Variants in CCNY observed in about 807,000 individuals in gnomAD.
CCNY encodes the protein cyclin Y, also known as cyclin-Y.
A neutral mutation model predicts 42.8 loss-of-function variants in CCNY; 19 were observed. The observed-to-expected ratio is 0.44, with a 90% confidence interval of 0.31 to 0.65. CCNY has a LOEUF of 0.65. CCNY is among the 30% of genes least tolerant of loss of function. The pLI, the probability that CCNY is intolerant of heterozygous loss-of-function variation, is 0.07. For synonymous variants in CCNY, 165 were observed against 162.7 expected (o/e 1.01, Z -0.11); for missense variants, 370 against 437.3 (o/e 0.85, Z 1.37).
intron 1 of CCNY, among the ~76,000 whole-genome samples, chr10:35,383,721 C>G (rs1837242831): frequency 6.6e-6 from 1 of 152,172 alleles, no homozygotes; most frequent in Admixed American, 6.5e-5. Context: ...TGACCCCTCC[C>G]TTAAAGTTTT....
At chr10:35,548,042 C>T (rs925183634) in intron 7 of CCNY, among the ~76,000 whole-genome samples, 2 of 152,072 alleles carry the variant, frequency 1.3e-5, no homozygotes, top group Non-Finnish European at 2.9e-5. Context: ...GACCCATGAA[C>T]AACTCCAGGG....
At chr10:35,479,876 G>A (rs1220435183) in intron 1 of CCNY, among the ~76,000 whole-genome samples, 1 of 152,148 alleles carries the variant, frequency 6.6e-6, no homozygotes, top group Non-Finnish European at 1.5e-5. Context: ...TCTGCAATGA[G>A]GGGATCTTTT....
chr10:35,412,860 C>CAAAAAAAAAAAAAAA (rs10558250), intron 1 of CCNY, among the ~76,000 whole-genome samples: 24 of 34,768 alleles, frequency 6.9e-4, no homozygotes, highest in African/African-American at 1.3e-3. Flanking sequence ...GACTCTGTCT[C>CAAAAAAAAAAAAAAA]AAAAAAAAAA....
chr10:35,396,448 T>C (rs180901532), intron 1 of CCNY, among the ~76,000 whole-genome samples: 1 of 152,318 alleles, frequency 6.6e-6, no homozygotes, highest in African/African-American at 2.4e-5. Context: ...ATCTGCAGGT[T>C]GGAGAATGAG....
chr10:35,270,994 A>G (rs926253518), intron 3 of CCNY, among the ~76,000 whole-genome samples: 2 of 152,002 alleles, frequency 1.3e-5, no homozygotes, highest in Non-Finnish European at 2.9e-5. Context: ...CAAAGTGCTG[A>G]GATTACAGGT....
At chr10:35,283,840 T>C (rs775080010) in intron 3 of CCNY, among the ~76,000 whole-genome samples, 37 of 152,130 alleles carry the variant, frequency 2.4e-4, no homozygotes, top group Non-Finnish European at 4.0e-4. Context: ...TTCCAACACA[T>C]TGGGAGGCCG....
At chr10:35,547,279 A>T (rs762659432) in intron 7 of CCNY, among the ~76,000 whole-genome samples, 9 of 152,214 alleles carry the variant, frequency 5.9e-5, no homozygotes, top group Non-Finnish European at 1.3e-4. Context: ...GTTAAAAATG[A>T]AAATCTCCAA....
chr10:35,550,253 A>T (rs1564455135), intron 7 of CCNY, among the ~76,000 whole-genome samples: 2 of 149,332 alleles, frequency 1.3e-5, no homozygotes, highest in South Asian at 4.2e-4. Flanking sequence ...ACTGTTCATG[A>T]CCCTGTGCTG....
chr10:35,411,348 A>G (rs933187732), intron 1 of CCNY, among the ~76,000 whole-genome samples: 2 of 152,010 alleles, frequency 1.3e-5, no homozygotes, highest in African/African-American at 4.8e-5. Flanking sequence ...CCCCGTCTCT[A>G]CTAAAAATAC....
At chr10:35,411,860 G>A (rs1047939436) in intron 1 of CCNY, among the ~76,000 whole-genome samples, 4 of 152,336 alleles carry the variant, frequency 2.6e-5, no homozygotes, top group Admixed American at 6.5e-5. Context: ...AGACCAAGGT[G>A]TTTAAATCTG....
chr10:35,262,509 C>T (rs375491950), intron 3 of CCNY, among the ~76,000 whole-genome samples: 12 of 151,836 alleles, frequency 7.9e-5, no homozygotes, highest in Middle Eastern at 3.4e-3. Context: ...CAGGTGCACG[C>T]CACCACACCT....
intron 3 of CCNY, among the ~76,000 whole-genome samples, chr10:35,252,859 C>G (rs2095712927): frequency 6.6e-6 from 1 of 152,128 alleles, no homozygotes; most frequent in African/African-American, 2.4e-5. Flanking sequence ...GAAACATTAT[C>G]AAGTCTGCAG....
At chr10:35,379,154 T>C (rs1837120966) in intron 1 of CCNY, among the ~76,000 whole-genome samples, 1 of 152,182 alleles carries the variant, frequency 6.6e-6, no homozygotes, top group Admixed American at 6.5e-5. Flanking sequence ...AAAAGGTGAA[T>C]TATTCACATA....
Position 35,502,692 on chromosome 10 carries a change from T to C in CCNY, c.264+1157T>C, listed in dbSNP as rs532861771. 1.1e-3 allele frequency among the ~76,000 whole-genome samples: 165 copies of C among 152,318 alleles called. 1 individual carries two copies. Among genetic ancestry groups the C allele is most frequent in the South Asian group, 9.9e-3 (48 of 4,830 alleles). On this transcript the variant is annotated intron_variant, in intron 3 of 9. Transcript: ENST00000374704. Reference sequence around the variant, plus strand: ...CCCCTTAAATTTCAAAGCATCTGTTTAAAGCACCTTTGAAATTGCAATCTG... The same window carrying C: ...CCCCTTAAATTTCAAAGCATCTGTTCAAAGCACCTTTGAAATTGCAATCTG...
At chr10:35,265,873 A>G (rs955063070) in intron 3 of CCNY, among the ~76,000 whole-genome samples, 2 of 152,150 alleles carry the variant, frequency 1.3e-5, no homozygotes, top group Non-Finnish European at 2.9e-5. Context: ...GCTGCCTCCC[A>G]CGCTGTCAGA....
intron 3 of CCNY, among the ~76,000 whole-genome samples, chr10:35,297,283 G>A (rs1256876923): frequency 1.3e-5 from 2 of 152,052 alleles, no homozygotes; most frequent in African/African-American, 4.8e-5. Flanking sequence ...GATGCAGAAA[G>A]GCTTTTGATA....
At chr10:35,566,284 C>A in intron 9 of CCNY, 99 bp downstream of exon 9, 2 of 1,209,514 alleles carry the variant, frequency 1.7e-6, no homozygotes, top group Non-Finnish European at 2.3e-6. Flanking sequence ...TCCCCCACTA[C>A]ATGATGTAAA....
At chr10:35,502,401 T>A (rs976796068) in intron 3 of CCNY, among the ~76,000 whole-genome samples, 2 of 152,134 alleles carry the variant, frequency 1.3e-5, no homozygotes, top group African/African-American at 4.8e-5. Context: ...TTGAAGATCT[T>A]GAAATAGTCC....
chr10:35,493,993 C>T (rs1266101320), intron 2 of CCNY, among the ~76,000 whole-genome samples: 5 of 152,158 alleles, frequency 3.3e-5, no homozygotes, highest in African/African-American at 1.2e-4. Flanking sequence ...TGGGCCTGAC[C>T]AGGAGGAGAA....
Sources: allele counts gnomAD v4.1 joint callset (sites outside exome capture counted in the v4.1 genomes callset), GRCh38; gene constraint gnomAD v4.1.1; transcripts MANE v1.5; gene names NCBI Gene and HGNC (gene_info 2026-07-23, HGNC 2026-07-21).